The following RSU1 variants were observed in gnomAD, a reference collection of about 807,000 sequenced individuals.
RSU1 encodes rsu-1.
In RSU1, 26 loss-of-function variants were observed where a neutral mutation model predicts 31.1. The ratio of observed to expected loss-of-function variants is 0.84; its 90% CI spans 0.61 to 1.16. The LOEUF is 1.16. Among genes scored for constraint, RSU1 ranks in the 50% most tolerant of loss-of-function variants. The pLI is 0.00. For synonymous variants in RSU1, 164 were observed against 136.3 expected, an observed-to-expected ratio of 1.20 and a Z score of -1.41; for missense variants, 320 against 339.1, an observed-to-expected ratio of 0.94 and a Z score of 0.44.
intron 8 of RSU1, among the ~76,000 whole-genome samples, chr10:16,639,432 A>G (rs1371031293): frequency 6.6e-6 from 1 of 152,214 alleles, no homozygotes; most frequent in Non-Finnish European, 1.5e-5. Context: ...AGAACCTTTT[A>G]TCTCTGTTCT....
intron 8 of RSU1, among the ~76,000 whole-genome samples, chr10:16,629,494 G>A (rs983820470): frequency 6.6e-6 from 1 of 152,088 alleles, no homozygotes; most frequent in Non-Finnish European, 1.5e-5. Context: ...CTGAATTACT[G>A]CATGGTAAGA....
At chr10:16,723,005 G>T (rs185541375) in intron 7 of RSU1, 55 of 127,886 alleles carry the variant, frequency 4.3e-4, no homozygotes, top group East Asian at 9.8e-4. Context: ...TATGCATATA[G>T]ACACAAACAT....
intron 8 of RSU1, among the ~76,000 whole-genome samples, chr10:16,653,636 A>G (rs755331351): frequency 4.6e-5 from 7 of 152,138 alleles, no homozygotes; most frequent in African/African-American, 9.7e-5. Flanking sequence ...CTTAGGGCCA[A>G]AAGGGGTCTC....
At chr10:16,809,993 G>GGGGGGGGC (rs1838372967) in intron 2 of RSU1, among the ~76,000 whole-genome samples, 1 of 148,602 alleles carries the variant, frequency 6.7e-6, no homozygotes, top group Non-Finnish European at 1.5e-5. Flanking sequence ...GGCCGGGGGT[G>GGGGGGGGC]GGGGGGGGAG....
intron 7 of RSU1, among the ~76,000 whole-genome samples, chr10:16,731,968 C>A (rs533823119): frequency 6.6e-6 from 1 of 152,276 alleles, no homozygotes; most frequent in South Asian, 2.1e-4. Flanking sequence ...TAGACAGAAT[C>A]TATGGCTTTC....
At chr10:16,675,872 C>T (rs2131543315) in intron 8 of RSU1, among the ~76,000 whole-genome samples, 1 of 152,282 alleles carries the variant, frequency 6.6e-6, no homozygotes, top group East Asian at 1.9e-4. Context: ...ATATGATTTT[C>T]CACTTAGTGG....
At chr10:16,789,300 C>T (rs1837864027) in intron 2 of RSU1, among the ~76,000 whole-genome samples, 1 of 152,120 alleles carries the variant, frequency 6.6e-6, no homozygotes, top group Admixed American at 6.5e-5. Context: ...TCACTCTTGC[C>T]ACAGGACCAC....
At chr10:16,767,584 T>C (rs1837339501) in intron 3 of RSU1, among the ~76,000 whole-genome samples, 1 of 152,034 alleles carries the variant, frequency 6.6e-6, no homozygotes, top group Non-Finnish European at 1.5e-5. Flanking sequence ...CAGCTAATAG[T>C]CTCCCTCAAT....
chr10:16,764,642 G>C (rs374782925), intron 3 of RSU1, 132 bp from the exon 4 acceptor site: 1 of 922,992 alleles, frequency 1.1e-6, no homozygotes, highest in African/African-American at 1.7e-5. Context: ...TTCACCTACC[G>C]GTCTTATTTA....
At chr10:16,686,422 T>C (rs1835441254) in intron 8 of RSU1, among the ~76,000 whole-genome samples, 1 of 152,168 alleles carries the variant, frequency 6.6e-6, no homozygotes, top group South Asian at 2.1e-4. Context: ...GAGGTCAATA[T>C]CCAATAGTTC....
intron 3 of RSU1, among the ~76,000 whole-genome samples, chr10:16,770,982 G>T (rs1181463150): frequency 7.2e-6 from 1 of 138,368 alleles, no homozygotes; most frequent in Non-Finnish European, 1.5e-5. Context: ...AAAAAAAAAG[G>T]AAGTTTTTGT....
intron 8 of RSU1, among the ~76,000 whole-genome samples, chr10:16,643,083 A>G (rs530757662): frequency 6.6e-6 from 1 of 152,338 alleles, no homozygotes; most frequent in East Asian, 1.9e-4. Flanking sequence ...CTATGTAGAG[A>G]TATCACCTTG....
At chr10:16,628,648 A>G (rs1392181579) in intron 8 of RSU1, among the ~76,000 whole-genome samples, 1 of 152,214 alleles carries the variant, frequency 6.6e-6, no homozygotes. Context: ...TAATTGTTTT[A>G]TATGACACAT....
intron 4 of RSU1, 109 bp from the exon 5 acceptor site, chr10:16,755,098 C>A (rs2131622383): frequency 1.6e-6 from 1 of 608,496 alleles, no homozygotes; most frequent in Admixed American, 2.7e-5. Flanking sequence ...GTGCCATGAT[C>A]CTAGAGTCAC....
intron 8 of RSU1, among the ~76,000 whole-genome samples, chr10:16,657,967 G>C (rs1386796488): frequency 6.6e-6 from 1 of 151,748 alleles, no homozygotes; most frequent in African/African-American, 2.4e-5. Context: ...TCCAGCCTGG[G>C]GAACAGAGCG....
chr10:16,609,523 G>T (rs1171891470), intron 8 of RSU1, among the ~76,000 whole-genome samples: 2 of 152,236 alleles, frequency 1.3e-5, no homozygotes, highest in Non-Finnish European at 2.9e-5. Flanking sequence ...AAGTAAAAGC[G>T]TGGGGTGGAG....
intron 8 of RSU1, among the ~76,000 whole-genome samples, chr10:16,651,552 A>T (rs1040081526): frequency 3.3e-5 from 5 of 152,222 alleles, no homozygotes; most frequent in African/African-American, 1.2e-4. Context: ...TTCAATTTAC[A>T]GCAAATAGTG....
intron 8 of RSU1, among the ~76,000 whole-genome samples, chr10:16,684,845 A>G (rs1268722379): frequency 6.6e-6 from 1 of 152,226 alleles, no homozygotes; most frequent in Non-Finnish European, 1.5e-5. Context: ...CCTGTCACAA[A>G]AAAACCCCAA....
At chr10:16,597,823 G>T (rs554124149) in intron 8 of RSU1, among the ~76,000 whole-genome samples, 1 of 152,214 alleles carries the variant, frequency 6.6e-6, no homozygotes, top group East Asian at 1.9e-4. Flanking sequence ...TAAATGCATG[G>T]CCCACTTCCT....
Sources: gnomAD v4.1 joint callset for allele counts (sites outside exome capture counted in the v4.1 genomes callset) on GRCh38, gnomAD v4.1.1 for gene constraint, MANE v1.5 for transcripts, NCBI Gene and HGNC (gene_info 2026-07-23, HGNC 2026-07-21) for gene names.